The following SART3 variants were observed in gnomAD, a reference collection of about 807,000 sequenced individuals.
SART3 encodes HIV-1 Tat-interacting protein of 110kDa.
Under a neutral mutation model 122.3 loss-of-function variants are expected in SART3, and 44 were observed. The observed-to-expected ratio is 0.36, with a 90% CI of 0.28 to 0.46. The LOEUF (loss-of-function observed/expected upper bound fraction) is 0.46, where lower values mean the gene tolerates loss of function less well. Ranked by LOEUF, SART3 falls within the 20% of genes least tolerant of loss-of-function variation. The probability of loss-of-function intolerance (pLI) is 1.00; values close to 1 mark genes in which losing one functional copy is unlikely to be tolerated. For synonymous variants in SART3, 442 were observed against 454.0 expected (o/e 0.97, Z 0.34); for missense variants, 1,101 against 1,229.0 (o/e 0.90, Z 1.56).
intron 16 of SART3, chr12:108,525,868 T>A (rs1443211899): frequency 3.2e-6 from 2 of 619,252 alleles, no homozygotes; most frequent in South Asian, 2.0e-5. Context: ...CTGACACACA[T>A]AAAGCATTCA....
rs147145082 is a variant in SART3, at chr12:108,526,354, G to A, written c.2115C>T (p.Thr705=). Residue 705 remains threonine, a synonymous_variant, in exon 16 of 19, where the codon ACC becomes ACT. Coordinates refer to ENST00000546815, the MANE Select transcript of SART3 (RefSeq NM_014706.4). The stretch of plus-strand genomic sequence containing the variant: ...TGTAGGGCAGGTTGCTGACAAAGAC[G>A]GTGATGCTGTCCTTGCTGCTGTCGT... The part of the protein sequence containing the change: ...VLHDSSKDSI[T]VFVSNLPYSM... 57 of 1,613,848 alleles carry A rather than the reference G, an allele frequency of 3.5e-5. No individual in the cohort carries two copies. Among genetic ancestry groups the A allele is most frequent in the African/African-American group, 2.7e-4 (20 of 74,930 alleles).
intron 11 of SART3, 187 bp from the exon 12 acceptor site, chr12:108,535,655 C>A (rs1872871982): frequency 1.6e-6 from 1 of 640,622 alleles, no homozygotes. Context: ...AGCCTTTCTG[C>A]AGCCACAAGC....
At chr12:108,535,959 T>C (rs900265611) in intron 11 of SART3, among the ~76,000 whole-genome samples, 13 of 152,180 alleles carry the variant, frequency 8.5e-5, no homozygotes, top group Non-Finnish European at 1.9e-4. Context: ...GTTTCTTCTA[T>C]CTGACGCTCC....
intron 7 of SART3, 81 bp downstream of exon 7, chr12:108,538,853 A>C: frequency 6.4e-7 from 1 of 1,568,166 alleles, no homozygotes; most frequent in Non-Finnish European, 8.8e-7. Flanking sequence ...GGCCGTATGC[A>C]ACAAACTCCT....
rs2030514735 is a variant in SART3, at chr12:108,560,982, T to A, written c.173A>T (p.Gln58Leu). The A allele has an allele frequency of 6.2e-7, 1 of 1,614,190 alleles. No individual in the cohort carries two copies. Residue 58 changes from glutamine to leucine, a missense_variant, in exon 1 of 19, where the codon CAG becomes CTG. This residue lies in a region of SART3 where 216 missense variants were observed against 148.9 expected (regional missense o/e 1.45). Transcript: ENST00000546815. ...ATCGCTCTCGCTCACGCCTTCCTCC[T>A]GCTGATCCCACGCTGGCCCCATGGT... ...YKTMGPAWDQ[Q>L]EEGVSESDGD...
chr12:108,530,142 C>G lies in SART3; in HGVS notation c.1915G>C (p.Glu639Gln). Residue 639 changes from glutamate (E) to glutamine (Q), a missense_variant and splice_region_variant, in exon 15 of 19, where the codon GAG (glutamate) becomes CAG (glutamine). Glu to Gln is a conservative substitution (Grantham distance 29). Around this residue, in one of 2 missense-constraint regions of SART3, gnomAD observed 885 missense variants for 1,080.1 expected, o/e 0.82. Coordinates refer to ENST00000546815, the MANE Select transcript of SART3 (RefSeq NM_014706.4). ...ACACAATTTCTCAAGAGCTCCTTAC[C>G]TTCTTCATCATCGCCCCACTCTTTC... ...DEKEWGDDEE[E>Q]QPSKRRRVEN... 6.2e-7 allele frequency: 1 copy of G among 1,614,078 alleles called. No homozygotes were observed. Among genetic ancestry groups the G allele is most frequent in the Non-Finnish European group, 8.5e-7 (1 of 1,180,028 alleles).
chr12:108,544,058 A>G (rs1000514653), intron 5 of SART3, among the ~76,000 whole-genome samples: 4 of 152,346 alleles, frequency 2.6e-5, no homozygotes, highest in African/African-American at 9.6e-5. Flanking sequence ...TTACTTGTGA[A>G]GAGAAAATGA....
rs772416723 is a variant in SART3, at chr12:108,536,507, C to T, written c.1446+7G>A. On this transcript the variant is annotated splice_region_variant and intron_variant, in intron 11 of 18. Transcript: ENST00000546815. ...ATGAAAGTGCTAGATGTGTCAAAAA[C>T]ATTTACCTCAATCCTAGCCCAGTTC... 79 of 1,613,848 alleles carry T rather than the reference C, an allele frequency of 4.9e-5. 1 individual carries two copies. Among genetic ancestry groups the T allele is most frequent in the Non-Finnish European group, 6.5e-5 (77 of 1,179,876 alleles).
intron 1 of SART3, among the ~76,000 whole-genome samples, chr12:108,551,971 C>T (rs2136692015): frequency 6.6e-6 from 1 of 152,148 alleles, no homozygotes; most frequent in South Asian, 2.1e-4. Context: ...ATTTAAAGAA[C>T]TAAATTCAGT....
At position 108,530,220 on chromosome 12, in the gene SART3, T is replaced by C; in HGVS notation, c.1837A>G (p.Lys613Glu). The C allele has an allele frequency of 1.2e-6, 2 of 1,614,216 alleles. No homozygotes were observed. Among genetic ancestry groups the C allele is most frequent in the Non-Finnish European group, 1.7e-6 (2 of 1,180,028 alleles). Residue 613 changes from lysine to glutamate, a missense_variant, in exon 15 of 19, where the codon AAG (lysine) becomes GAG (glutamate). Lys to Glu is a moderately conservative substitution (Grantham distance 56). Transcript: ENST00000546815. ...RARAEKKALK[K>E]KKKIRGPEKR... Reference sequence around the variant, plus strand: ...TCTGGGCCTCTGATCTTTTTCTTCTTTTTTAACGCTTTCTTCTCAGCCCGA... The same window carrying C: ...TCTGGGCCTCTGATCTTTTTCTTCTCTTTTAACGCTTTCTTCTCAGCCCGA...
At chr12:108,539,183 A>G (rs1182846839) in intron 6 of SART3, 94 bp from the exon 7 acceptor site, 1 of 1,316,922 alleles carries the variant, frequency 7.6e-7, no homozygotes, top group African/African-American at 1.5e-5. Flanking sequence ...TGGCTACAGT[A>G]ACTATGAATC....
chr12:108,524,962 TGG>T (rs1409672661), intron 17 of SART3: 1 of 293,434 alleles, frequency 3.4e-6, no homozygotes, highest in Non-Finnish European at 6.5e-6. Flanking sequence ...GAGTGGGCAG[TGG>T]GTAGACAGTA....
In SART3 at chr12:108,530,164, T is replaced by C. The variant is rs374248261; in HGVS notation, c.1893A>G (p.Lys631=). The change falls in exon 15 of 19, where the codon AAA becomes AAG. Residue 631 remains lysine (K), a synonymous_variant. Transcript: ENST00000546815. The part of the protein sequence containing the change: ...EKRGADEDDE[K]EWGDDEEEQP... ...TACCTTCTTCATCATCGCCCCACTC[T>C]TTCTCATCATCCTCATCTGCTCCGC... 17 of 1,614,098 alleles carry C rather than the reference T, an allele frequency of 1.1e-5. No individual in the cohort carries two copies. Among genetic ancestry groups the C allele is most frequent in the Admixed American group, 1.7e-5 (1 of 60,010 alleles).
At chr12:108,557,764 C>T (rs750233540) in intron 1 of SART3, among the ~76,000 whole-genome samples, 3 of 152,208 alleles carry the variant, frequency 2.0e-5, no homozygotes, top group Non-Finnish European at 2.9e-5. Flanking sequence ...ACAAATCTGC[C>T]GAAGCCACCA....
Position 108,538,167 on chromosome 12 carries a change from C to G in SART3, c.1099G>C (p.Val367Leu). ...QLKVKDLVLS[V>L]HNRAIRNCPW... ...CAGTTTCTAATAGCGCGGTTATGTA[C>G]AGATAAAACCAAATCCTTTACTTTC... Residue 367 changes from valine (V) to leucine (L), a missense_variant, in exon 8 of 19, where the codon GTA becomes CTA. By Grantham distance (32) the Val-to-Leu change is conservative (BLOSUM62 1). Coordinates refer to ENST00000546815, the MANE Select transcript of SART3 (RefSeq NM_014706.4). 6.2e-7 allele frequency: 1 copy of G among 1,614,182 alleles called. No homozygotes were observed. The highest frequency in any genetic ancestry group is 8.5e-7 in the Non-Finnish European group (1 of 1,180,020).
chr12:108,525,420 G>C (rs1872324650), intron 17 of SART3, 37 bp downstream of exon 17: 1 of 1,612,940 alleles, frequency 6.2e-7, no homozygotes, highest in Non-Finnish European at 8.5e-7. Context: ...GTTTGCCCAA[G>C]CCTTGAAGAC....
At chr12:108,529,203 G>A (rs1002080977) in intron 15 of SART3, among the ~76,000 whole-genome samples, 19 of 152,214 alleles carry the variant, frequency 1.2e-4, no homozygotes, top group Admixed American at 9.2e-4. Flanking sequence ...GTGTTAGACC[G>A]GAACTGGAGG....
intron 2 of SART3, among the ~76,000 whole-genome samples, chr12:108,548,702 C>T (rs1355003982): frequency 6.6e-6 from 1 of 152,098 alleles, no homozygotes; most frequent in African/African-American, 2.4e-5. Flanking sequence ...TATTCTGGAA[C>T]AATTAATGTA....
rs1555204874 is a variant in SART3 at position 108,533,404 on chromosome 12, A to AG, written c.1557-1071dup. Among the ~76,000 whole-genome samples the AG allele has an allele frequency of 7.0e-3, 1,060 of 151,588 alleles. 9 individuals are homozygous for AG. The highest frequency in any genetic ancestry group is 0.024 in the African/African-American group (1,005 of 41,330). On this transcript the variant is annotated intron_variant, in intron 12 of 18. Transcript: ENST00000546815. ...GGTTATTGCCAAAAAAAAAAAAAAA[A>AG]GCATATTACTGTTTGAGTTGCAAGC...
Sources: gnomAD v4.1 joint callset for allele counts (sites outside exome capture counted in the v4.1 genomes callset) on GRCh38, gnomAD v4.1.1 for gene constraint, gnomAD v4.1.1 regional missense constraint, MANE v1.5 for transcripts, NCBI Gene and HGNC (gene_info 2026-07-23, HGNC 2026-07-21) for gene names.